The following TTLL11 variants were observed in gnomAD, a reference collection of about 807,000 sequenced individuals.
TTLL11 encodes the protein tubulin polyglutamylase TTLL11.
TTLL11 carries 42 observed loss-of-function variants against 51.7 expected under a neutral mutation model. The observed-to-expected ratio is 0.81, with a 90% confidence interval of 0.64 to 1.05. The LOEUF (loss-of-function observed/expected upper bound fraction) is 1.05. Ranked by LOEUF, TTLL11 falls within the 50% of genes least tolerant of loss-of-function variation. TTLL11 has a pLI of 0.00. For synonymous variants in TTLL11, 381 were observed against 383.5 expected (o/e 0.99, Z 0.08); for missense variants, 799 against 940.4 (o/e 0.85, Z 1.97).
In TTLL11 at chr9:121,815,980, G is replaced by C. The variant is rs1836395547; in HGVS notation, c.*6607C>G. 6.6e-6 allele frequency: 1 copy of C among 152,138 alleles called. No individual in the cohort carries two copies. Among genetic ancestry groups the C allele is most frequent in the Non-Finnish European group, 1.5e-5 (1 of 68,036 alleles). 9.4% of individuals were successfully genotyped at this position (152,138 alleles called of 1,614,324 possible). A position where few individuals can be genotyped will look rare whatever the true frequency, so the allele number is the denominator to read the frequency against. On this transcript the variant is annotated 3_prime_UTR_variant, in exon 9 of 9. Transcript: ENST00000321582. ...GGCATCCGTCTTGTTTCCGCACGTC[G>C]AGACCCTTCCTTTTCTCGACAGACA...
chr9:121,964,285 CT>C (rs143673197), intron 6 of TTLL11, among the ~76,000 whole-genome samples: 3 of 150,794 alleles, frequency 2.0e-5, no homozygotes, highest in East Asian at 1.9e-4. Context: ...ATTTCTTTTC[CT>C]TTTTTTTGTT....
chr9:122,041,328 TA>T (rs1844840913), intron 1 of TTLL11, among the ~76,000 whole-genome samples: 1 of 152,188 alleles, frequency 6.6e-6, no homozygotes, highest in African/African-American at 2.4e-5. Flanking sequence ...TACTCAATGG[TA>T]AAATACTAAA....
At chr9:121,915,944 G>A (rs996296952) in intron 6 of TTLL11, among the ~76,000 whole-genome samples, 1 of 150,774 alleles carries the variant, frequency 6.6e-6, no homozygotes, top group Non-Finnish European at 1.5e-5. Flanking sequence ...ATTTCTAAGG[G>A]TCCATCCTGA....
intron 8 of TTLL11, among the ~76,000 whole-genome samples, chr9:121,823,522 G>C (rs957502591): frequency 1.3e-5 from 2 of 152,096 alleles, no homozygotes; most frequent in African/African-American, 4.8e-5. Context: ...CTCCAGCCTG[G>C]GTGACAGAGT....
intron 6 of TTLL11, among the ~76,000 whole-genome samples, chr9:121,901,063 C>T (rs1223616885): frequency 6.6e-6 from 1 of 152,134 alleles, no homozygotes; most frequent in Non-Finnish European, 1.5e-5. Flanking sequence ...GAGTGAGCCA[C>T]CACACCCTGC....
At chr9:121,903,122 G>A (rs1322027653) in intron 6 of TTLL11, among the ~76,000 whole-genome samples, 2 of 152,120 alleles carry the variant, frequency 1.3e-5, no homozygotes, top group Non-Finnish European at 2.9e-5. Flanking sequence ...GGCCTGCAAT[G>A]TACCTGAAAC....
At chr9:121,960,319 A>C (rs7021247) in intron 6 of TTLL11, among the ~76,000 whole-genome samples, 1 of 152,110 alleles carries the variant, frequency 6.6e-6, no homozygotes, top group Non-Finnish European at 1.5e-5. Context: ...TGAGTGAATA[A>C]CCATAATGAG....
At chr9:121,917,684 AAAGG>A (rs1840391653) in intron 6 of TTLL11, among the ~76,000 whole-genome samples, 1 of 151,754 alleles carries the variant, frequency 6.6e-6, no homozygotes, top group Non-Finnish European at 1.5e-5. Context: ...GGAAGTGAAG[AAAGG>A]AAGGAAGGAA....
chr9:121,852,541 C>T (rs1837693123), intron 8 of TTLL11, among the ~76,000 whole-genome samples: 1 of 152,134 alleles, frequency 6.6e-6, no homozygotes, highest in African/African-American at 2.4e-5. Context: ...GCTTTCTCCC[C>T]TTTGTCTGTT....
chr9:121,876,630 G>T (rs1157574732), intron 6 of TTLL11, among the ~76,000 whole-genome samples: 1 of 152,130 alleles, frequency 6.6e-6, no homozygotes, highest in African/African-American at 2.4e-5. Context: ...GGAGAGGAAT[G>T]GCAAGATTAA....
intron 4 of TTLL11, among the ~76,000 whole-genome samples, chr9:121,982,162 T>C (rs529678394): frequency 6.6e-6 from 1 of 152,330 alleles, no homozygotes; most frequent in East Asian, 1.9e-4. Context: ...CTCCTCTGTG[T>C]CCATATTCCA....
intron 1 of TTLL11, among the ~76,000 whole-genome samples, chr9:122,080,561 C>T (rs929203847): frequency 2.6e-5 from 4 of 151,830 alleles, no homozygotes; most frequent in South Asian, 2.1e-4. Flanking sequence ...GGCATGGGGG[C>T]GCACACCTTT....
At chr9:121,846,552 C>T (rs1307656841) in intron 8 of TTLL11, among the ~76,000 whole-genome samples, 5 of 151,950 alleles carry the variant, frequency 3.3e-5, no homozygotes, top group African/African-American at 1.2e-4. Flanking sequence ...ACCTTTTTAA[C>T]ACATTTAAAA....
intron 8 of TTLL11, among the ~76,000 whole-genome samples, chr9:121,840,564 T>G (rs1837320324): frequency 6.6e-6 from 1 of 152,078 alleles, no homozygotes; most frequent in African/African-American, 2.4e-5. Context: ...CTTGGCTACT[T>G]TTTGTATTTT....
intron 6 of TTLL11, among the ~76,000 whole-genome samples, chr9:121,919,847 TAAAAAAAAAAAAAAA>T: frequency 1.6e-5 from 1 of 60,838 alleles, no homozygotes; most frequent in East Asian, 5.0e-4. Flanking sequence ...CCCTCATCTC[TAAAAAAAAAAAAAAA>T]AAAAAAAAGG....
chr9:121,823,966 G>A (rs1041742481), intron 8 of TTLL11, among the ~76,000 whole-genome samples: 2 of 152,084 alleles, frequency 1.3e-5, no homozygotes, highest in Non-Finnish European at 2.9e-5. Flanking sequence ...ACTTCTCTTT[G>A]CAGCACCGGC....
Position 121,981,542 on chromosome 9 carries a change from G to T in TTLL11, c.1270-6563C>A, listed in dbSNP as rs370585700. Among the ~76,000 whole-genome samples the T allele has an allele frequency of 1.0e-3, 153 of 152,262 alleles. 1 individual carries two copies. The highest frequency in any genetic ancestry group is 3.5e-3 in the African/African-American group (146 of 41,560). ...CTGATATTTTTGGATCTGTTTCTCT[G>T]AAATGATTTCCCCATTGGTAAAGGT... On this transcript the variant is annotated intron_variant, in intron 4 of 8. Transcript: ENST00000321582.
chr9:121,915,814 G>A (rs934950937), intron 6 of TTLL11, among the ~76,000 whole-genome samples: 1 of 151,976 alleles, frequency 6.6e-6, no homozygotes, highest in Admixed American at 6.6e-5. Context: ...GGCTTATAAA[G>A]TCTGGACATC....
chr9:122,055,603 A>G (rs1474208918), intron 1 of TTLL11, among the ~76,000 whole-genome samples: 3 of 152,206 alleles, frequency 2.0e-5, no homozygotes, highest in Admixed American at 6.5e-5. Flanking sequence ...CTTCAGTCCA[A>G]TCAAGTTGAC....
Sources: gnomAD v4.1 joint callset for allele counts (sites outside exome capture counted in the v4.1 genomes callset) on GRCh38, gnomAD v4.1.1 for gene constraint, MANE v1.5 for transcripts, NCBI Gene and HGNC (gene_info 2026-07-23, HGNC 2026-07-21) for gene names.